The following DACH2 variants were observed in gnomAD, a reference collection of about 807,000 sequenced individuals.
DACH2 encodes the protein dachshund family transcription factor 2, also known as dachshund homolog 2.
Under a neutral mutation model 35.8 loss-of-function variants are expected in DACH2, and 17 were observed. That is an observed-to-expected ratio of 0.48 (90% CI 0.33 to 0.71). DACH2 has a LOEUF of 0.71. Ranked by LOEUF, DACH2 falls within the 30% of genes least tolerant of loss-of-function variation. The pLI is 0.02. For missense variants in DACH2, 469 were observed against 472.7 expected, an observed-to-expected ratio of 0.99 and a Z score of 0.07; for synonymous variants, 195 against 177.3, an observed-to-expected ratio of 1.10 and a Z score of -0.79.
chrX:86,253,337 A>C (rs2033440093), intron 1 of DACH2, among the ~76,000 whole-genome samples: 1 of 111,718 alleles, frequency 9.0e-6, no homozygotes, highest in Non-Finnish European at 1.9e-5. Flanking sequence ...ACATTGTGAA[A>C]ATGACCATAC....
intron 1 of DACH2, among the ~76,000 whole-genome samples, chrX:86,295,041 G>C (rs2034415231): frequency 8.9e-6 from 1 of 112,763 alleles, no homozygotes; most frequent in Non-Finnish European, 1.9e-5. Flanking sequence ...CTTGCAGTTT[G>C]ATCTTAGACT....
chrX:86,442,987 A>G (rs1447402908), intron 2 of DACH2, among the ~76,000 whole-genome samples: 2 of 111,758 alleles, frequency 1.8e-5, no homozygotes, highest in African/African-American at 6.5e-5. Flanking sequence ...ACTTTGTAAT[A>G]TATTTGGAAG....
chrX:86,670,282 A>T (rs1645944219), intron 4 of DACH2, among the ~76,000 whole-genome samples: 1 of 111,194 alleles, frequency 9.0e-6, no homozygotes, highest in Admixed American at 9.6e-5. Context: ...CATTTGATGA[A>T]TGCTGATTGT....
In DACH2 at chrX:86,571,452, C is replaced by G. The variant is rs182424721; in HGVS notation, c.640+57061C>G. Among the ~76,000 whole-genome samples the G allele has an allele frequency of 1.4e-3, 154 of 109,860 alleles. 1 individual carries two copies. Among genetic ancestry groups the G allele is most frequent in the African/African-American group, 4.7e-3 (143 of 30,207 alleles). ...CCTAATGCTATCCCTCCCCGCTCCC[C>G]CCACCCCACAACAGTCCCCGGTGTG... On this transcript the variant is annotated intron_variant, in intron 3 of 11. Transcript: ENST00000373125.
intron 3 of DACH2, among the ~76,000 whole-genome samples, chrX:86,611,483 C>A (rs920659982): frequency 1.5e-4 from 17 of 111,034 alleles, no homozygotes; most frequent in African/African-American, 5.2e-4. Context: ...TGCACTAGGA[C>A]TTGCTTAAGG....
At chrX:86,512,275 C>T (rs2038406963) in intron 2 of DACH2, among the ~76,000 whole-genome samples, 1 of 108,925 alleles carries the variant, frequency 9.2e-6, no homozygotes, top group Admixed American at 9.9e-5. Context: ...AGTACCAAGC[C>T]ATTTGTGAAA....
intron 2 of DACH2, among the ~76,000 whole-genome samples, chrX:86,424,493 A>G (rs894955388): frequency 9.0e-6 from 1 of 111,210 alleles, no homozygotes; most frequent in African/African-American, 3.3e-5. Context: ...CACTGTTGGC[A>G]TATAAAAATG....
intron 1 of DACH2, among the ~76,000 whole-genome samples, chrX:86,343,750 A>G (rs1432220160): frequency 9.0e-6 from 1 of 111,729 alleles, no homozygotes; most frequent in Non-Finnish European, 1.9e-5. Flanking sequence ...TGTATATAAA[A>G]TTATTTGTAA....
intron 7 of DACH2, among the ~76,000 whole-genome samples, chrX:86,800,681 G>GT (rs2042283982): frequency 9.0e-6 from 1 of 111,333 alleles, no homozygotes; most frequent in Non-Finnish European, 1.9e-5. Context: ...TTGTTTGTTT[G>GT]TTTTTTGAGA....
intron 2 of DACH2, among the ~76,000 whole-genome samples, chrX:86,402,134 A>G (rs66799256): frequency 0.041 from 4,615 of 111,682 alleles, 104 homozygotes; most frequent in East Asian, 0.23. Flanking sequence ...AAAGACAAAG[A>G]TGCCCACTCT....
chrX:86,582,644 A>C (rs2039516000), intron 3 of DACH2, among the ~76,000 whole-genome samples: 1 of 110,292 alleles, frequency 9.1e-6, no homozygotes. Context: ...AACGCACAAC[A>C]TCCCAAGATT....
chrX:86,416,675 A>G (rs1197768860), intron 2 of DACH2, among the ~76,000 whole-genome samples: 1 of 111,462 alleles, frequency 9.0e-6, no homozygotes, highest in Non-Finnish European at 1.9e-5. Context: ...GTGTGGTGCC[A>G]GCATCGGCTT....
rs184185784 is a variant in DACH2 at position 86,452,014 on chromosome X, T to C, written c.528-62265T>C. Among the ~76,000 whole-genome samples the C allele has an allele frequency of 4.5e-5, 5 of 111,943 alleles. No homozygotes were observed. The East Asian group carries it at 1.4e-3, about 31-fold the overall frequency. ...GAGGTATGTTCCTTCATTATATAGT[T>C]TATTTAGAGTTTTTAACATAAAGGG... On this transcript the variant is annotated intron_variant, in intron 2 of 11. Coordinates refer to ENST00000373125, the MANE Select transcript of DACH2 (RefSeq NM_053281.3).
At chrX:86,343,399 G>A (rs1437301616) in intron 1 of DACH2, among the ~76,000 whole-genome samples, 2 of 111,331 alleles carry the variant, frequency 1.8e-5, no homozygotes, top group Non-Finnish European at 3.8e-5. Flanking sequence ...TAGCCCTATC[G>A]GTCACTGGTC....
intron 2 of DACH2, among the ~76,000 whole-genome samples, chrX:86,480,562 C>A (rs1032142462): frequency 8.9e-6 from 1 of 111,883 alleles, no homozygotes; most frequent in Non-Finnish European, 1.9e-5. Flanking sequence ...TTCAGAGTGG[C>A]AAGTTCCCCC....
intron 1 of DACH2, among the ~76,000 whole-genome samples, chrX:86,285,502 T>C (rs1030789688): frequency 8.9e-6 from 1 of 112,136 alleles, no homozygotes; most frequent in Non-Finnish European, 1.9e-5. Flanking sequence ...GTTATTGTTT[T>C]GTTTCATTGT....
chrX:86,363,296 G>A (rs1462423844), intron 1 of DACH2, among the ~76,000 whole-genome samples: 2 of 111,020 alleles, frequency 1.8e-5, no homozygotes, highest in Non-Finnish European at 3.8e-5. Context: ...AAGATAAATT[G>A]ACCTTATGCT....
intron 7 of DACH2, among the ~76,000 whole-genome samples, chrX:86,796,898 GT>G (rs961986421): frequency 1.2e-3 from 123 of 106,393 alleles, no homozygotes; most frequent in Non-Finnish European, 1.7e-3. Context: ...CATACATATT[GT>G]TTTTTTTTTC....
At chrX:86,172,562 A>G (rs1284996668) in intron 1 of DACH2, among the ~76,000 whole-genome samples, 1 of 112,179 alleles carries the variant, frequency 8.9e-6, no homozygotes, top group East Asian at 2.8e-4. Flanking sequence ...GAGGCCTCAC[A>G]GTCTATTACA....
Sources: gnomAD v4.1 joint callset for allele counts (sites outside exome capture counted in the v4.1 genomes callset) on GRCh38, gnomAD v4.1.1 for gene constraint, MANE v1.5 for transcripts, NCBI Gene and HGNC (gene_info 2026-07-23, HGNC 2026-07-21) for gene names.